RALGDS: variants seen among roughly 807,000 people sequenced by gnomAD.
RALGDS encodes the protein ral guanine nucleotide exchange factor.
In RALGDS, 44 loss-of-function variants were observed where a neutral mutation model predicts 99.8. The ratio of observed to expected loss-of-function variants is 0.44; its 90% confidence interval spans 0.35 to 0.57. The LOEUF is 0.57. Among genes scored for constraint, RALGDS ranks in the 20% least tolerant of loss-of-function variants. The pLI, the probability that RALGDS is intolerant of heterozygous loss-of-function variation, is 0.01. For missense variants in RALGDS, 1,022 were observed against 1,203.1 expected (o/e 0.85, Z 2.23); for synonymous variants, 529 against 505.0 (o/e 1.05, Z -0.64).
chr9:133,103,624 G>A (rs1177235466), intron 11 of RALGDS, 123 bp downstream of exon 11: 3 of 1,027,462 alleles, frequency 2.9e-6, no homozygotes, highest in East Asian at 4.7e-5. Context: ...CAGCCCTGGG[G>A]TGTCACCAGC....
upstream of RALGDS, among the ~76,000 whole-genome samples, chr9:133,123,819 GAC>G (rs1411178684): frequency 1.3e-4 from 4 of 30,386 alleles, no homozygotes; most frequent in Admixed American, 4.7e-4. Context: ...CACACAGAGA[GAC>G]AGAGACACAG....
rs1006486287 is a variant in RALGDS, at chr9:133,098,406, G to A, written c.*181C>T. Reference sequence around the variant, plus strand: ...GCACCTAAGGCAGCGAGTGGTCCACGGGAGGCCAGGTCAGCCTGACCAATG... The same window carrying A: ...GCACCTAAGGCAGCGAGTGGTCCACAGGAGGCCAGGTCAGCCTGACCAATG... On this transcript the variant is annotated 3_prime_UTR_variant, in exon 18 of 18. Transcript: ENST00000372050. 22 of 663,014 alleles carry A rather than the reference G, an allele frequency of 3.3e-5. No homozygotes were observed. The Admixed American group carries it at 4.3e-4, about 13-fold the overall frequency. The allele number at this position is 663,014 out of a possible 1,614,324, so 41.1% of individuals were successfully genotyped here.
At chr9:133,112,626 T>A (rs1003493395) in intron 1 of RALGDS, among the ~76,000 whole-genome samples, 21 of 151,922 alleles carry the variant, frequency 1.4e-4, no homozygotes, top group African/African-American at 3.9e-4. Flanking sequence ...TCCCCCTACC[T>A]CCCCAGGGCC....
At chr9:133,119,752 C>T (rs1055298925) in intron 1 of RALGDS, among the ~76,000 whole-genome samples, 6 of 151,890 alleles carry the variant, frequency 4.0e-5, no homozygotes, top group Non-Finnish European at 7.4e-5. Flanking sequence ...TGAGGGAACA[C>T]GTCTGGTCCG....
chr9:133,097,892 C>A lies in RALGDS; in HGVS notation c.*695G>T. 4.3e-6 allele frequency: 1 copy of A among 230,744 alleles called. No individual in the cohort carries two copies. The highest frequency in any genetic ancestry group is 8.6e-6 in the Non-Finnish European group (1 of 116,364). The allele number at this position is 230,744 out of a possible 1,614,324, so 14.3% of individuals were successfully genotyped here. ...CCAAATCCTCCTTCCTCACTAACCC[C>A]CGTCTTGCATGGTCTCGTAAAGCCC... is the stretch of plus-strand genomic sequence containing the variant. On this transcript the variant is annotated 3_prime_UTR_variant, in exon 18 of 18. Coordinates refer to ENST00000372050, the MANE Select transcript of RALGDS (RefSeq NM_006266.4).
upstream of RALGDS, among the ~76,000 whole-genome samples, chr9:133,134,953 A>G (rs1297649349): frequency 6.6e-6 from 1 of 152,102 alleles, no homozygotes; most frequent in East Asian, 1.9e-4. Flanking sequence ...TTGCGCTCCC[A>G]GTCACTCCTT....
At chr9:133,128,483 G>A (rs1036674857) in intron 1 of RALGDS, among the ~76,000 whole-genome samples, 4 of 152,130 alleles carry the variant, frequency 2.6e-5, no homozygotes, top group African/African-American at 9.7e-5. Context: ...ACCCCGAGGG[G>A]CCCCGGCATC....
chr9:133,140,283 C>G (rs932226884), intron 1 of RALGDS, among the ~76,000 whole-genome samples: 14 of 152,202 alleles, frequency 9.2e-5, no homozygotes, highest in Admixed American at 3.3e-4. Flanking sequence ...AAAGGGCACC[C>G]CCCCACACAC....
chr9:133,141,987 A>AC (rs1832531051), intron 1 of RALGDS, among the ~76,000 whole-genome samples: 1 of 152,072 alleles, frequency 6.6e-6, no homozygotes, highest in East Asian at 1.9e-4. Flanking sequence ...CACACGTGGT[A>AC]CCCCATGGCC....
upstream of RALGDS, among the ~76,000 whole-genome samples, chr9:133,132,212 C>G (rs1455541994): frequency 6.6e-6 from 1 of 152,224 alleles, no homozygotes; most frequent in Non-Finnish European, 1.5e-5. Context: ...CAGGCCCGGT[C>G]CCGGGAGAGG....
Position 133,102,553 on chromosome 9 carries a change from C to T in RALGDS, c.1932G>A (p.Glu644=). The T allele has an allele frequency of 6.2e-7, 1 of 1,614,078 alleles. No individual in the cohort carries two copies. Among genetic ancestry groups the T allele is most frequent in the Non-Finnish European group, 8.5e-7 (1 of 1,180,038 alleles). ...TGGCTGACTCGGATGGGGGCTCCAG[C>T]TCGCACGACAGGTTGTAGCTATGAG... ...SETESYNLSC[E]LEPPSESASN... The change falls in exon 14 of 18, where the codon GAG becomes GAA. Residue 644 remains glutamate (E), a synonymous_variant. Transcript: ENST00000372050.
At chr9:133,100,147 G>T in intron 17 of RALGDS, 121 bp downstream of exon 17, 1 of 928,990 alleles carries the variant, frequency 1.1e-6, no homozygotes, top group Non-Finnish European at 1.8e-6. Flanking sequence ...GGGCTGCCCT[G>T]TCCACAGTGT....
rs151333910 is a variant in RALGDS at position 133,117,651 on chromosome 9, T to TG, written c.183+3320dup. Among the ~76,000 whole-genome samples, 777 of 152,344 alleles carry TG rather than the reference T, an allele frequency of 5.1e-3. 4 individuals carry two copies. Among genetic ancestry groups the TG allele is most frequent in the African/African-American group, 0.017 (692 of 41,576 alleles). Reference sequence around the variant, plus strand: ...CAGTGTCTGCCCCTTAACAATCAAATGGGGAACACTGCTCTGCTGTTGCTG... The same window carrying TG: ...CAGTGTCTGCCCCTTAACAATCAAATGGGGGAACACTGCTCTGCTGTTGCTG... On this transcript the variant is annotated intron_variant, in intron 1 of 17. Transcript: ENST00000372050.
At chr9:133,104,452 G>A in intron 9 of RALGDS, 121 bp from the exon 10 acceptor site, 1 of 917,174 alleles carries the variant, frequency 1.1e-6, no homozygotes, top group Non-Finnish European at 1.8e-6. Context: ...ACTCACTAGT[G>A]TGGGGTCCTG....
intron 9 of RALGDS, chr9:133,104,588 G>A (rs972620065): frequency 6.0e-6 from 3 of 501,080 alleles, no homozygotes; most frequent in Admixed American, 6.5e-5. Flanking sequence ...AAGGCAGGTG[G>A]ATCACTTGAG....
At position 133,114,632 on chromosome 9, in the gene RALGDS, G is replaced by T. The variant is rs571840088; in HGVS notation, c.184-2480C>A. Among the ~76,000 whole-genome samples, 4 of 152,366 alleles carry T rather than the reference G, an allele frequency of 2.6e-5. No individual in the cohort carries two copies. The East Asian group carries it at 7.7e-4, about 29-fold the overall frequency. On this transcript the variant is annotated intron_variant, in intron 1 of 17. Transcript: ENST00000372050. ...TCTGGCCGGGCTGGGAGCTCAGAGC[G>T]GGAGGAGCAGGAACGGCCTAGTGAA...
chr9:133,122,466 G>A (rs536565377), upstream of RALGDS, among the ~76,000 whole-genome samples: 4 of 152,258 alleles, frequency 2.6e-5, no homozygotes, highest in South Asian at 4.1e-4. Context: ...CACATTCCAC[G>A]AGCACATCTT....
intron 1 of RALGDS, among the ~76,000 whole-genome samples, chr9:133,130,654 C>A (rs1321092394): frequency 3.9e-5 from 6 of 152,140 alleles, no homozygotes; most frequent in East Asian, 1.9e-4. Context: ...CCACCACCAC[C>A]ACAACAATAC....
Position 133,098,233 on chromosome 9 carries a change from G to T in RALGDS, c.*354C>A. 1 of 422,922 alleles carries T rather than the reference G, an allele frequency of 2.4e-6. No individual in the cohort carries two copies. The allele number at this position is 422,922 out of a possible 1,614,324, so 26.2% of individuals were successfully genotyped here. ...ACAGTGGGTGCTCTGGGGTGCCCATGGGCACAGGTGGCAGTGACCCACACC... is the reference window on the plus strand; with the variant it reads ...ACAGTGGGTGCTCTGGGGTGCCCATTGGCACAGGTGGCAGTGACCCACACC... On this transcript the variant is annotated 3_prime_UTR_variant, in exon 18 of 18. Coordinates refer to ENST00000372050, the MANE Select transcript of RALGDS (RefSeq NM_006266.4).
Sources: allele counts gnomAD v4.1 joint callset (sites outside exome capture counted in the v4.1 genomes callset), GRCh38; gene constraint gnomAD v4.1.1; transcripts MANE v1.5; gene names NCBI Gene and HGNC (gene_info 2026-07-23, HGNC 2026-07-21).